Variants in CYRIA observed in about 807,000 individuals in gnomAD.
CYRIA encodes CYFIP related Rac1 interactor A.
Under a neutral mutation model 43.9 loss-of-function variants are expected in CYRIA, and 15 were observed. The observed-to-expected ratio is 0.34, with a 90% CI of 0.23 to 0.53. The LOEUF (loss-of-function observed/expected upper bound fraction) is 0.53, where lower values mean the gene tolerates loss of function less well. Among genes scored for constraint, CYRIA ranks in the 20% least tolerant of loss-of-function variants. CYRIA has a pLI of 0.94. For missense variants in CYRIA, 236 were observed against 394.2 expected (o/e 0.60, Z 3.40); for synonymous variants, 117 against 136.0 (o/e 0.86, Z 0.97).
chr2:16,638,769 C>T (rs1317460999), intron 1 of CYRIA, among the ~76,000 whole-genome samples: 5 of 152,012 alleles, frequency 3.3e-5, no homozygotes. Context: ...TATTTTATAT[C>T]GTGTGAGTGT....
intron 10 of CYRIA, among the ~76,000 whole-genome samples, chr2:16,559,004 G>A (rs1666629965): frequency 6.6e-6 from 1 of 152,182 alleles, no homozygotes. Context: ...ATATCCAAAT[G>A]ATGAGGAAAG....
chr2:16,599,870 C>A (rs532602996), intron 2 of CYRIA, among the ~76,000 whole-genome samples: 1 of 152,288 alleles, frequency 6.6e-6, no homozygotes, highest in Admixed American at 6.5e-5. Flanking sequence ...AATTCTCCTG[C>A]CTTAGTTTCC....
At chr2:16,659,674 T>C in intron 1 of CYRIA, among the ~76,000 whole-genome samples, 1 of 152,250 alleles carries the variant, frequency 6.6e-6, no homozygotes, top group East Asian at 1.9e-4. Flanking sequence ...GGCCTGCATC[T>C]GGTTGCCAAT....
intron 1 of CYRIA, among the ~76,000 whole-genome samples, chr2:16,632,367 C>A (rs1669351091): frequency 6.6e-6 from 1 of 152,184 alleles, no homozygotes; most frequent in Non-Finnish European, 1.5e-5. Context: ...TGTTCAAACC[C>A]AACAGGAATA....
At chr2:16,562,228 C>T (rs1286093857) in intron 5 of CYRIA, 87 bp from the exon 6 acceptor site, 4 of 1,409,310 alleles carry the variant, frequency 2.8e-6, no homozygotes, top group Middle Eastern at 2.0e-4. Context: ...AGTTGACAAT[C>T]TCGGAGATCA....
In CYRIA at chr2:16,588,667, C is replaced by G. The variant is rs75841391; in HGVS notation, c.-10-538G>C. On this transcript the variant is annotated intron_variant, in intron 2 of 11. Coordinates refer to ENST00000381323, the MANE Select transcript of CYRIA (RefSeq NM_030797.4). ...AAATACCTGTCCAAAAAAGTAAGTT[C>G]CTGAAAGCTCACGAGGAATAGAGTT... Among the ~76,000 whole-genome samples, 1,459 of 152,142 alleles carry G rather than the reference C, an allele frequency of 9.6e-3. 18 individuals carry two copies. Among genetic ancestry groups the G allele is most frequent in the African/African-American group, 0.031 (1,303 of 41,516 alleles).
intron 1 of CYRIA, among the ~76,000 whole-genome samples, chr2:16,661,987 G>A (rs367623323): frequency 4.6e-5 from 7 of 152,142 alleles, no homozygotes; most frequent in East Asian, 1.9e-4. Context: ...TAAAAAATAC[G>A]AGGCATTCAT....
chr2:16,586,087 G>A (rs1287054512), intron 3 of CYRIA, among the ~76,000 whole-genome samples: 1 of 152,088 alleles, frequency 6.6e-6, no homozygotes, highest in East Asian at 1.9e-4. Flanking sequence ...ACTGAATTCT[G>A]GGAGGTACAT....
chr2:16,617,767 C>T (rs1668855669), intron 2 of CYRIA, among the ~76,000 whole-genome samples: 1 of 152,196 alleles, frequency 6.6e-6, no homozygotes, highest in Non-Finnish European at 1.5e-5. Context: ...AGGGTCCTGC[C>T]AGGCCATGTG....
intron 2 of CYRIA, among the ~76,000 whole-genome samples, 181 bp from the exon 3 acceptor site, chr2:16,588,310 G>T (rs1292732938): frequency 2.0e-5 from 3 of 151,992 alleles, no homozygotes; most frequent in Admixed American, 1.3e-4. Context: ...TATCTCTGAG[G>T]TGCTGGGTCT....
intron 6 of CYRIA, 93 bp from the exon 7 acceptor site, chr2:16,561,626 C>T (rs1666736997): frequency 2.1e-6 from 2 of 935,350 alleles, no homozygotes; most frequent in Non-Finnish European, 1.7e-6. Context: ...TTTATAAATA[C>T]TCCAGGACTT....
intron 1 of CYRIA, among the ~76,000 whole-genome samples, chr2:16,664,923 C>T (rs1045516791): frequency 1.3e-5 from 2 of 152,144 alleles, no homozygotes; most frequent in Non-Finnish European, 1.5e-5. Flanking sequence ...AGTTCTGGAC[C>T]TGGCACCCCC....
At chr2:16,664,201 C>G (rs1316180347) in intron 1 of CYRIA, among the ~76,000 whole-genome samples, 1 of 152,114 alleles carries the variant, frequency 6.6e-6, no homozygotes, top group Non-Finnish European at 1.5e-5. Context: ...AGAGCCAGAG[C>G]CCAGAGGCAG....
At chr2:16,648,327 C>CAAA (rs59091239) in intron 1 of CYRIA, among the ~76,000 whole-genome samples, 7,284 of 122,022 alleles carry the variant, frequency 0.06, 249 homozygotes, top group Middle Eastern at 0.11. Flanking sequence ...ATGACAACAG[C>CAAA]AAAAAAAAAA....
At chr2:16,592,775 T>C (rs918249752) in intron 2 of CYRIA, among the ~76,000 whole-genome samples, 4 of 152,100 alleles carry the variant, frequency 2.6e-5, no homozygotes, top group African/African-American at 9.7e-5. Flanking sequence ...CTCTTAGCTA[T>C]GACTTTTTCC....
intron 2 of CYRIA, among the ~76,000 whole-genome samples, chr2:16,590,917 T>G (rs576371346): frequency 2.4e-4 from 36 of 152,200 alleles, no homozygotes; most frequent in African/African-American, 8.2e-4. Context: ...GTCTTCTGGT[T>G]TAGGGGGATC....
At position 16,552,700 on chromosome 2, in the gene CYRIA, G is replaced by T; in HGVS notation, c.*236C>A. ...TCCAGTAGCAAAGATCAAAGTCTCCGAATTTTGCCTTTGGAGAAGGGGGTT... is the reference window on the plus strand; with the variant it reads ...TCCAGTAGCAAAGATCAAAGTCTCCTAATTTTGCCTTTGGAGAAGGGGGTT... On this transcript the variant is annotated 3_prime_UTR_variant, in exon 12 of 12. Coordinates refer to ENST00000381323, the MANE Select transcript of CYRIA (RefSeq NM_030797.4). 2 of 464,916 alleles carry T rather than the reference G, an allele frequency of 4.3e-6. 1 individual carries two copies. Among genetic ancestry groups the T allele is most frequent in the South Asian group, 7.4e-5 (2 of 27,120 alleles). The allele number at this position is 464,916 out of a possible 1,614,324, so 28.8% of individuals were successfully genotyped here.
chr2:16,641,457 G>A (rs73918631), intron 1 of CYRIA, among the ~76,000 whole-genome samples: 4,101 of 152,148 alleles, frequency 0.027, 188 homozygotes, highest in African/African-American at 0.094. Context: ...ATTCAAGGCC[G>A]AATTTAAAGG....
chr2:16,655,790 T>C lies in CYRIA; in HGVS notation c.-167+9990A>G, dbSNP rs565075760. Among the ~76,000 whole-genome samples the C allele has an allele frequency of 1.4e-4, 22 of 152,280 alleles. No individual in the cohort carries two copies. The South Asian group carries it at 4.1e-3, about 29-fold the overall frequency. On this transcript the variant is annotated intron_variant, in intron 1 of 11. Coordinates refer to ENST00000381323, the MANE Select transcript of CYRIA (RefSeq NM_030797.4). ...ATTCTTGGTCTTTTTTTTTTAAACC[T>C]GAATTGGGTTTTTCTTTCACTTATT...
Sources: allele counts gnomAD v4.1 joint callset (sites outside exome capture counted in the v4.1 genomes callset), GRCh38; gene constraint gnomAD v4.1.1; transcripts MANE v1.5; gene names NCBI Gene and HGNC (gene_info 2026-07-23, HGNC 2026-07-21).